The following SV2C variants were observed in gnomAD, a reference collection of about 807,000 sequenced individuals.
SV2C encodes the protein solute carrier family 22 member B3.
SV2C carries 49 observed loss-of-function variants against 79.7 expected under a neutral mutation model. That is an observed-to-expected ratio of 0.61 (90% CI 0.49 to 0.78). SV2C has a LOEUF of 0.78. SV2C is among the 30% of genes least tolerant of loss of function. The probability of loss-of-function intolerance (pLI) is 0.00; values close to 1 mark genes in which losing one functional copy is unlikely to be tolerated. For synonymous variants in SV2C, 334 were observed against 333.2 expected, an observed-to-expected ratio of 1.00 and a Z score of -0.03; for missense variants, 833 against 912.9, an observed-to-expected ratio of 0.91 and a Z score of 1.13.
chr5:76,102,880 C>T (rs1256972109), intron 1 of SV2C, among the ~76,000 whole-genome samples: 1 of 152,182 alleles, frequency 6.6e-6, no homozygotes, highest in East Asian at 1.9e-4. Context: ...TTATCACCAA[C>T]CTAGAACTGC....
chr5:76,257,247 T>C (rs1242125559), intron 4 of SV2C, among the ~76,000 whole-genome samples: 1 of 127,888 alleles, frequency 7.8e-6, no homozygotes, highest in South Asian at 2.9e-4. Flanking sequence ...TAGCTCGTGG[T>C]GGGGGGCTGT....
chr5:75,860,722 G>T, the SV2C span, among the ~76,000 whole-genome samples: 1 of 152,112 alleles, frequency 6.6e-6, no homozygotes, highest in Non-Finnish European at 1.5e-5. Flanking sequence ...AAACAATGTG[G>T]TACTAGTACA....
the SV2C span, among the ~76,000 whole-genome samples, chr5:75,953,161 G>C: frequency 6.6e-6 from 1 of 152,106 alleles, no homozygotes; most frequent in East Asian, 1.9e-4. Flanking sequence ...TGGTGAGAGA[G>C]AAAGCAAGAG....
rs1268165534 is a variant in SV2C at position 76,121,309 on chromosome 5, C to T, written c.-101-10341C>T. Among the ~76,000 whole-genome samples, 1,455 of 151,926 alleles carry T rather than the reference C, an allele frequency of 9.6e-3. 32 individuals are homozygous for T. The highest frequency in any genetic ancestry group is 0.033 in the African/African-American group (1,373 of 41,336). On this transcript the variant is annotated intron_variant, in intron 1 of 12. Coordinates refer to ENST00000502798, the MANE Select transcript of SV2C (RefSeq NM_014979.4). ...GTAGGTTGCAAAAATTTTCTCCCAT[C>T]CCATAGGTTGCCTGTTCATTCTGAT...
the SV2C span, among the ~76,000 whole-genome samples, chr5:75,883,998 G>A: frequency 5.3e-5 from 8 of 152,076 alleles, no homozygotes; most frequent in African/African-American, 1.9e-4. Flanking sequence ...ACAATTGAAG[G>A]TTATGCAAGA....
intron 2 of SV2C, among the ~76,000 whole-genome samples, chr5:76,153,012 C>T (rs1052130227): frequency 9.2e-5 from 14 of 152,190 alleles, no homozygotes; most frequent in African/African-American, 2.9e-4. Context: ...GGGAGTGGCA[C>T]ACCCTGGATG....
At chr5:75,889,151 T>C in the SV2C span, among the ~76,000 whole-genome samples, 3 of 151,786 alleles carry the variant, frequency 2.0e-5, no homozygotes, top group Non-Finnish European at 2.9e-5. Flanking sequence ...GTTTGTTACA[T>C]AGGTATACAT....
Position 76,333,611 on chromosome 5 carries a change from C to G in SV2C, c.*8064C>G, listed in dbSNP as rs1380151605. 6.6e-6 allele frequency: 1 copy of G among 152,164 alleles called. No homozygotes were observed. Among genetic ancestry groups the G allele is most frequent in the African/African-American group, 2.4e-5 (1 of 41,422 alleles). 9.4% of individuals were successfully genotyped at this position (152,164 alleles called of 1,614,324 possible). On this transcript the variant is annotated 3_prime_UTR_variant, in exon 13 of 13. Coordinates refer to ENST00000502798, the MANE Select transcript of SV2C (RefSeq NM_014979.4). ...CCCTATTGTACTGTATATACGTGTGCTGCATGTGTAAATTCTGTTTCAGGT... is the reference window on the plus strand; with the variant it reads ...CCCTATTGTACTGTATATACGTGTGGTGCATGTGTAAATTCTGTTTCAGGT...
chr5:76,342,472 A>G (rs762508492), intron 12 of SV2C, among the ~76,000 whole-genome samples: 1 of 152,244 alleles, frequency 6.6e-6, no homozygotes, highest in African/African-American at 2.4e-5. Flanking sequence ...ACGAGGATGA[A>G]TGCAAGGCCA....
At chr5:75,972,785 T>C in the SV2C span, among the ~76,000 whole-genome samples, 1 of 152,110 alleles carries the variant, frequency 6.6e-6, no homozygotes, top group African/African-American at 2.4e-5. Context: ...CTCAGGGATC[T>C]AGAACTAGAA....
chr5:75,950,370 C>A, the SV2C span, among the ~76,000 whole-genome samples: 1 of 151,956 alleles, frequency 6.6e-6, no homozygotes, highest in Admixed American at 6.6e-5. Context: ...TACAAAAAGA[C>A]CCCACATGGA....
At chr5:76,094,146 T>C (rs1442755188) in intron 1 of SV2C, among the ~76,000 whole-genome samples, 1 of 152,194 alleles carries the variant, frequency 6.6e-6, no homozygotes. Flanking sequence ...TATAAGAAAC[T>C]GTGAGTCTCC....
the SV2C span, among the ~76,000 whole-genome samples, chr5:76,066,556 T>C: frequency 6.6e-6 from 1 of 151,592 alleles, no homozygotes; most frequent in Non-Finnish European, 1.5e-5. Flanking sequence ...TATACATATG[T>C]AACAAACCTG....
chr5:76,247,303 AC>A (rs34952056), intron 4 of SV2C, among the ~76,000 whole-genome samples: 15,549 of 152,266 alleles, frequency 0.1, 1,094 homozygotes, highest in Middle Eastern at 0.18. Context: ...GATGCTAAAC[AC>A]TTACAGGTAC....
At chr5:76,116,845 T>C (rs1327680204) in intron 1 of SV2C, among the ~76,000 whole-genome samples, 1 of 152,206 alleles carries the variant, frequency 6.6e-6, no homozygotes, top group Non-Finnish European at 1.5e-5. Context: ...GAGATCTTGG[T>C]AACTACTTAG....
Position 76,131,954 on chromosome 5 carries a change from G to A in SV2C, c.204G>A (p.Glu68=). 2 of 1,613,968 alleles carry A rather than the reference G, an allele frequency of 1.2e-6. No homozygotes were observed. The highest frequency in any genetic ancestry group is 2.2e-5 in the East Asian group (1 of 44,862). ...CGGCTGGAGAAACCTATAATGGTGA[G>A]GCCAACGATGACGAAGGCTCAAGTG... The part of the protein sequence containing the change: ...YYPAGETYNG[E]ANDDEGSSEA... The change falls in exon 2 of 13, where the codon GAG becomes GAA. Residue 68 remains glutamate (E), a synonymous_variant. Coordinates refer to ENST00000502798, the MANE Select transcript of SV2C (RefSeq NM_014979.4).
chr5:76,303,381 T>C (rs748772773), intron 12 of SV2C, among the ~76,000 whole-genome samples: 1 of 152,238 alleles, frequency 6.6e-6, no homozygotes, highest in Non-Finnish European at 1.5e-5. Flanking sequence ...GATTACACTA[T>C]ACGTTTAAAA....
At chr5:76,030,079 T>C in the SV2C span, among the ~76,000 whole-genome samples, 1 of 152,094 alleles carries the variant, frequency 6.6e-6, no homozygotes, top group African/African-American at 2.4e-5. Flanking sequence ...CCACTTTAAA[T>C]AGAAGGATTT....
intron 12 of SV2C, among the ~76,000 whole-genome samples, chr5:76,314,488 T>A (rs536829100): frequency 6.6e-6 from 1 of 152,302 alleles, no homozygotes; most frequent in South Asian, 2.1e-4. Flanking sequence ...TGAATTCAGG[T>A]GCAGTCACTG....
Sources: allele counts gnomAD v4.1 joint callset (sites outside exome capture counted in the v4.1 genomes callset), GRCh38; gene constraint gnomAD v4.1.1; transcripts MANE v1.5; gene names NCBI Gene and HGNC (gene_info 2026-07-23, HGNC 2026-07-21).